ARID5B: variants seen among roughly 807,000 people sequenced by gnomAD.
ARID5B encodes AT-rich interaction domain 5B, also known as AT-rich interactive domain-containing protein 5B.
In ARID5B, 13 loss-of-function variants were observed where a neutral mutation model predicts 97.2. The ratio of observed to expected loss-of-function variants is 0.13; its 90% confidence interval spans 0.09 to 0.21. ARID5B has a LOEUF of 0.21. Among genes scored for constraint, ARID5B ranks in the 10% least tolerant of loss-of-function variants. The pLI is 1.00. For synonymous variants in ARID5B, 556 were observed against 570.3 expected (o/e 0.97, Z 0.36); for missense variants, 1,210 against 1,465.3 (o/e 0.83, Z 2.84).
chr10:61,976,790 G>A (rs149455569), intron 3 of ARID5B, among the ~76,000 whole-genome samples: 29 of 152,044 alleles, frequency 1.9e-4, no homozygotes, highest in African/African-American at 5.5e-4. Flanking sequence ...CTTAAATTAC[G>A]TAGCACTTCA....
intron 5 of ARID5B, among the ~76,000 whole-genome samples, chr10:62,052,926 G>T (rs983838835): frequency 2.0e-5 from 3 of 152,190 alleles, no homozygotes; most frequent in African/African-American, 4.8e-5. Flanking sequence ...CAGAGTCTTG[G>T]ATTACAGTCA....
chr10:62,046,831 A>C (rs1839714307), intron 4 of ARID5B: 1 of 152,188 alleles, frequency 6.6e-6, no homozygotes, highest in Non-Finnish European at 1.5e-5. Context: ...GGTCAAGACT[A>C]AAGGGGACCC....
chr10:61,975,598 C>A (rs1838688675), intron 3 of ARID5B, among the ~76,000 whole-genome samples: 1 of 151,992 alleles, frequency 6.6e-6, no homozygotes, highest in South Asian at 2.1e-4. Flanking sequence ...TCCAACCCTG[C>A]AAAATTGTTG....
intron 4 of ARID5B, among the ~76,000 whole-genome samples, chr10:62,029,270 C>A (rs984882052): frequency 6.6e-6 from 1 of 152,172 alleles, no homozygotes; most frequent in African/African-American, 2.4e-5. Flanking sequence ...GTATGCCATG[C>A]CTTCTCTTTA....
At chr10:62,042,640 C>T (rs1393401008) in intron 4 of ARID5B, among the ~76,000 whole-genome samples, 1 of 152,120 alleles carries the variant, frequency 6.6e-6, no homozygotes, top group African/African-American at 2.4e-5. Flanking sequence ...GGCTGTGCGT[C>T]GTGGCTCACG....
intron 8 of ARID5B, among the ~76,000 whole-genome samples, chr10:62,078,859 T>C (rs1438385021): frequency 6.6e-6 from 1 of 152,206 alleles, no homozygotes; most frequent in Non-Finnish European, 1.5e-5. Context: ...AGGCTGGAAT[T>C]CATGGAGGAT....
chr10:61,947,261 C>CTTTTTTTTTTTTTTTTTTT lies in ARID5B; in HGVS notation c.502+6860_502+6878dup, dbSNP rs199587188. Among the ~76,000 whole-genome samples the CTTTTTTTTTTTTTTTTTTT allele has an allele frequency of 4.2e-4, 52 of 124,300 alleles. 2 individuals carry two copies. Among genetic ancestry groups the CTTTTTTTTTTTTTTTTTTT allele is most frequent in the South Asian group, 6.2e-4 (2 of 3,238 alleles). 81.5% of individuals were successfully genotyped at this position (124,300 alleles called of 152,430 possible). A position where few individuals can be genotyped will look rare whatever the true frequency, so the allele number is the denominator to read the frequency against. On this transcript the variant is annotated intron_variant, in intron 3 of 9. Transcript: ENST00000279873. ...ACCAGTATATCTTCTCACTTACTTTCTTTTTTTTTTTTTTTTTTTTTTTTT... is the reference window on the plus strand; with the variant it reads ...ACCAGTATATCTTCTCACTTACTTTCTTTTTTTTTTTTTTTTTTTTTTTTTTTTTTTTTTTTTTTTTTTT...
chr10:62,049,556 T>C (rs1839757694), intron 4 of ARID5B: 1 of 1,545,194 alleles, frequency 6.5e-7, no homozygotes, highest in South Asian at 1.2e-5. Context: ...AGGCTGGCTT[T>C]CTGGGATGGA....
chr10:62,004,334 T>TA (rs1839119852), intron 4 of ARID5B, among the ~76,000 whole-genome samples: 1 of 152,226 alleles, frequency 6.6e-6, no homozygotes, highest in African/African-American at 2.4e-5. Context: ...TCTTGTCAGT[T>TA]ACACTGCTCT....
intron 4 of ARID5B, among the ~76,000 whole-genome samples, chr10:62,026,989 C>A (rs902454802): frequency 1.3e-5 from 2 of 152,186 alleles, no homozygotes; most frequent in South Asian, 2.1e-4. Flanking sequence ...ATATTTTGAG[C>A]CTTTTCCACC....
intron 2 of ARID5B, among the ~76,000 whole-genome samples, chr10:61,921,480 G>A (rs921698468): frequency 1.2e-4 from 19 of 152,192 alleles, no homozygotes; most frequent in African/African-American, 4.3e-4. Flanking sequence ...TGGCTTCCTT[G>A]CTGGGCCACA....
At chr10:61,976,452 A>G (rs535750972) in intron 3 of ARID5B, among the ~76,000 whole-genome samples, 4 of 152,280 alleles carry the variant, frequency 2.6e-5, no homozygotes, top group Admixed American at 2.6e-4. Context: ...AACTGTGTAT[A>G]TTTGCTCCCT....
At chr10:61,933,846 T>TA (rs1472857192) in intron 2 of ARID5B, among the ~76,000 whole-genome samples, 1 of 152,206 alleles carries the variant, frequency 6.6e-6, no homozygotes, top group African/African-American at 2.4e-5. Flanking sequence ...GGCTTCAACT[T>TA]AAAATCACCA....
intron 3 of ARID5B, among the ~76,000 whole-genome samples, chr10:61,955,469 G>T (rs1838379239): frequency 6.6e-6 from 1 of 152,150 alleles, no homozygotes; most frequent in South Asian, 2.1e-4. Context: ...TAGAAGGAGA[G>T]GGGAATTGAA....
chr10:61,946,987 C>G (rs897165055), intron 3 of ARID5B, among the ~76,000 whole-genome samples: 1 of 152,116 alleles, frequency 6.6e-6, no homozygotes, highest in Non-Finnish European at 1.5e-5. Flanking sequence ...TAATTACATA[C>G]GAGACTTATC....
intron 3 of ARID5B, among the ~76,000 whole-genome samples, chr10:61,948,806 G>A (rs1252497669): frequency 2.0e-5 from 3 of 152,168 alleles, no homozygotes; most frequent in Non-Finnish European, 4.4e-5. Flanking sequence ...TAAGGAGCTG[G>A]CTTGGCATCC....
At chr10:61,969,447 G>A (rs1294745873) in intron 3 of ARID5B, among the ~76,000 whole-genome samples, 1 of 151,790 alleles carries the variant, frequency 6.6e-6, no homozygotes, top group East Asian at 1.9e-4. Flanking sequence ...ATGGTAATAA[G>A]TGTCTACAAC....
At chr10:61,941,571 T>C (rs1199873865) in intron 3 of ARID5B, among the ~76,000 whole-genome samples, 4 of 152,176 alleles carry the variant, frequency 2.6e-5, no homozygotes, top group Non-Finnish European at 4.4e-5. Flanking sequence ...AGGCAATTTA[T>C]TTTAATTGGC....
chr10:61,954,314 G>A (rs545352284), intron 3 of ARID5B, among the ~76,000 whole-genome samples: 14 of 151,874 alleles, frequency 9.2e-5, no homozygotes, highest in Middle Eastern at 3.4e-3. Context: ...CCAAGATTGC[G>A]CCATTGCACT....
Sources: allele counts gnomAD v4.1 joint callset (sites outside exome capture counted in the v4.1 genomes callset), GRCh38; gene constraint gnomAD v4.1.1; transcripts MANE v1.5; gene names NCBI Gene and HGNC (gene_info 2026-07-23, HGNC 2026-07-21).